SNX31: variants seen among roughly 807,000 people sequenced by gnomAD.
SNX31 encodes sorting nexin-31.
Under a neutral mutation model 65.4 loss-of-function variants are expected in SNX31, and 58 were observed. The observed-to-expected ratio is 0.89, with a 90% CI of 0.72 to 1.10. The LOEUF (loss-of-function observed/expected upper bound fraction) is 1.10. Among genes scored for constraint, SNX31 ranks in the 50% least tolerant of loss-of-function variants. SNX31 has a pLI of 0.00. For missense variants in SNX31, 523 were observed against 529.7 expected (o/e 0.99, Z 0.12); for synonymous variants, 181 against 190.1 (o/e 0.95, Z 0.39).
At chr8:100,584,881 C>A (rs1443534044) in intron 11 of SNX31, among the ~76,000 whole-genome samples, 1 of 151,882 alleles carries the variant, frequency 6.6e-6, no homozygotes, top group Non-Finnish European at 1.5e-5. Flanking sequence ...CGCTGCCATG[C>A]CCAGCTAATT....
rs1563589005 is a variant in SNX31 at position 100,648,778 on chromosome 8, T to C, written c.141+496A>G. Among the ~76,000 whole-genome samples, 1 of 152,206 alleles carries C rather than the reference T, an allele frequency of 6.6e-6. No individual in the cohort carries two copies. Among genetic ancestry groups the C allele is most frequent in the Non-Finnish European group, 1.5e-5 (1 of 68,016 alleles). On this transcript the variant is annotated intron_variant, in intron 2 of 13. Transcript: ENST00000311812. The surrounding 1 kb of genome is among the most constrained non-coding windows in gnomAD (Gnocchi z 4.3). The stretch of plus-strand genomic sequence containing the variant: ...GCCAGTACTTGAAGCCTCATGGCCA[T>C]TCAAAAACAAAACTAGAGACACACC...
rs1242047919 is a variant in SNX31, at chr8:100,660,885, A to T, written c.-58+2257T>A. Among the ~76,000 whole-genome samples, 1 of 152,180 alleles carries T rather than the reference A, an allele frequency of 6.6e-6. No individual in the cohort carries two copies. The highest frequency in any genetic ancestry group is 1.5e-5 in the Non-Finnish European group (1 of 68,028). On this transcript the variant is annotated intron_variant, in intron 1 of 5. Coordinates refer to the SNX31 transcript ENST00000520352. The surrounding 1 kb of genome is among the most constrained non-coding windows in gnomAD (Gnocchi z 4.1). Reference sequence around the variant, plus strand: ...GCAGACCAAGCCCTGGCAATCACACATTCGTGCTAATGCAGCATGGATCAT... The same window carrying T: ...GCAGACCAAGCCCTGGCAATCACACTTTCGTGCTAATGCAGCATGGATCAT...
chr8:100,663,148 C>T (rs780117784), exon 1 of SNX31: 4 of 152,226 alleles, frequency 2.6e-5, no homozygotes, highest in Non-Finnish European at 2.9e-5. Flanking sequence ...CTACCTTTCG[C>T]GCAGCGCGTT....
rs1027540238 is a variant in SNX31, at chr8:100,604,026, C to T, written c.682-3585G>A. On this transcript the variant is annotated intron_variant, in intron 8 of 13. Transcript: ENST00000311812. The surrounding 1 kb of genome is among the most constrained non-coding windows in gnomAD (Gnocchi z 4.3). ...GTGCTGGAATTACAGGCGTGAGCCACTGCGCCCAGCTTTATATCATTACCT... is the reference window on the plus strand; with the variant it reads ...GTGCTGGAATTACAGGCGTGAGCCATTGCGCCCAGCTTTATATCATTACCT... Among the ~76,000 whole-genome samples, 4 of 152,232 alleles carry T rather than the reference C, an allele frequency of 2.6e-5. No homozygotes were observed. The highest frequency in any genetic ancestry group is 9.6e-5 in the African/African-American group (4 of 41,458).
At chr8:100,618,264 G>T in intron 4 of SNX31, 1 of 1,466,150 alleles carries the variant, frequency 6.8e-7, no homozygotes, top group Non-Finnish European at 9.2e-7. Flanking sequence ...AAACAACTGA[G>T]TATCTATATT....
At chr8:100,640,022 AAAGT>A (rs1389410690) in intron 2 of SNX31, among the ~76,000 whole-genome samples, 1 of 152,166 alleles carries the variant, frequency 6.6e-6, no homozygotes, top group Non-Finnish European at 1.5e-5. Context: ...AATATGACCC[AAAGT>A]ATAAAGTGAA....
upstream of SNX31, among the ~76,000 whole-genome samples, chr8:100,654,651 C>T (rs1820028218): frequency 6.6e-6 from 1 of 152,236 alleles, no homozygotes; most frequent in South Asian, 2.1e-4. Flanking sequence ...CTGAGAAGCA[C>T]ACGTCCCTTT....
upstream of SNX31, among the ~76,000 whole-genome samples, chr8:100,653,312 T>C (rs553185454): frequency 6.6e-6 from 1 of 152,344 alleles, no homozygotes; most frequent in Non-Finnish European, 1.5e-5. Context: ...GAGGATTTTC[T>C]GGTCCAGAAC....
chr8:100,627,127 G>A (rs1328812658), intron 4 of SNX31, among the ~76,000 whole-genome samples: 1 of 152,194 alleles, frequency 6.6e-6, no homozygotes, highest in Admixed American at 6.5e-5. Context: ...GCTGAGGCGG[G>A]AAGATCACAA....
At chr8:100,584,031 C>G in intron 12 of SNX31, 80 bp downstream of exon 12, 1 of 1,302,238 alleles carries the variant, frequency 7.7e-7, no homozygotes, top group South Asian at 1.3e-5. Flanking sequence ...TCAGGGAGCT[C>G]ATGAGTGTAG....
rs148342735 is a variant in SNX31, at chr8:100,626,301, G to A, written c.321+4026C>T. Among the ~76,000 whole-genome samples, 116 of 152,278 alleles carry A rather than the reference G, an allele frequency of 7.6e-4. No individual in the cohort carries two copies. The highest frequency in any genetic ancestry group is 2.4e-3 in the African/African-American group (100 of 41,564). On this transcript the variant is annotated intron_variant, in intron 4 of 13. Transcript: ENST00000311812. This position sits in a 1 kb window ranked among gnomAD's most constrained non-coding sequence, Gnocchi z 4.4. ...AGATGGGGAAACTGAGGTACAAAAA[G>A]CCTAAGTAAATTGACCCAAGTCATA... is the stretch of plus-strand genomic sequence containing the variant.
chr8:100,596,806 A>G lies in SNX31; in HGVS notation c.811T>C (p.Tyr271His). Residue 271 changes from tyrosine (Y) to histidine (H), a missense_variant, in exon 10 of 14, where the codon TAC becomes CAC. Coordinates refer to ENST00000311812, the MANE Select transcript of SNX31 (RefSeq NM_152628.4). ...CAGGTACAAGGATCCAGCTGCAGGT[A>G]TCCATAGTGCCGTACCTCCCGGGCC... ...ELAREVRHYG[Y>H]LQLDPCTCDY... 1 of 1,613,700 alleles carries G rather than the reference A, an allele frequency of 6.2e-7. No individual in the cohort carries two copies. Among genetic ancestry groups the G allele is most frequent in the Non-Finnish European group, 8.5e-7 (1 of 1,180,020 alleles).
upstream of SNX31, among the ~76,000 whole-genome samples, chr8:100,651,711 C>T (rs556057335): frequency 1.4e-4 from 21 of 152,350 alleles, no homozygotes; most frequent in Non-Finnish European, 2.6e-4. Context: ...CGATTGGAGG[C>T]GCTGCTCTGA....
chr8:100,623,572 T>A (rs894884493), intron 4 of SNX31, among the ~76,000 whole-genome samples: 5 of 152,194 alleles, frequency 3.3e-5, no homozygotes, highest in African/African-American at 1.2e-4. Context: ...GATGGGAACT[T>A]ACTCTGCTTC....
intron 2 of SNX31, among the ~76,000 whole-genome samples, chr8:100,645,747 A>G (rs7845148): frequency 0.61 from 92,762 of 151,616 alleles, 30,259 homozygotes; most frequent in African/African-American, 0.85. Flanking sequence ...GAATAGCTGG[A>G]ATTACAGGAG....
intron 2 of SNX31, among the ~76,000 whole-genome samples, chr8:100,641,451 A>G (rs1450645176): frequency 6.7e-6 from 1 of 148,242 alleles, no homozygotes; most frequent in Non-Finnish European, 1.5e-5. Context: ...AGGTGGGAGA[A>G]TAACCTGAGC....
chr8:100,575,641 C>T lies in SNX31; in HGVS notation c.1227+1378G>A, dbSNP rs1469056041. ...GTTAAAGAGATTGCTGCGGCCTTCC[C>T]CCAGAGCTGCTGATCCAGTAGGTTT... is the stretch of plus-strand genomic sequence containing the variant. On this transcript the variant is annotated intron_variant, in intron 13 of 13. Coordinates refer to ENST00000311812, the MANE Select transcript of SNX31 (RefSeq NM_152628.4). This position sits in a 1 kb window ranked among gnomAD's most constrained non-coding sequence, Gnocchi z 5.1. Among the ~76,000 whole-genome samples the T allele has an allele frequency of 6.6e-6, 1 of 152,132 alleles. No homozygotes were observed. Among genetic ancestry groups the T allele is most frequent in the African/African-American group, 2.4e-5 (1 of 41,412 alleles).
At chr8:100,607,807 A>C (rs1429229627) in intron 8 of SNX31, among the ~76,000 whole-genome samples, 2 of 152,208 alleles carry the variant, frequency 1.3e-5, no homozygotes, top group Non-Finnish European at 2.9e-5. Flanking sequence ...TACCAATGAA[A>C]ATTTAATTTT....
At position 100,573,863 on chromosome 8, in the gene SNX31, C is replaced by T; in HGVS notation, c.*2G>A. 2 of 1,563,244 alleles carry T rather than the reference C, an allele frequency of 1.3e-6. No individual in the cohort carries two copies. The highest frequency in any genetic ancestry group is 1.7e-6 in the Non-Finnish European group (2 of 1,151,558). The stretch of plus-strand genomic sequence containing the variant: ...GGATATTTTAAAATATGAGAGCTTT[C>T]TTCAGAGATCTTCTTCCTTTATGTT... On this transcript the variant is annotated 3_prime_UTR_variant, in exon 14 of 14. Transcript: ENST00000311812.
Sources: allele counts gnomAD v4.1 joint callset (sites outside exome capture counted in the v4.1 genomes callset), GRCh38; gene constraint gnomAD v4.1.1; non-coding constraint Gnocchi (gnomAD v3.1); transcripts MANE v1.5; gene names NCBI Gene and HGNC (gene_info 2026-07-23, HGNC 2026-07-21).